Variants in TUBGCP5 observed in about 807,000 individuals in gnomAD.
TUBGCP5 encodes tubulin gamma complex component 5.
TUBGCP5 carries 98 observed loss-of-function variants against 134.7 expected under a neutral mutation model. That is an observed-to-expected ratio of 0.73 (90% CI 0.62 to 0.86). TUBGCP5 has a LOEUF of 0.86. Among genes scored for constraint, TUBGCP5 ranks in the 40% least tolerant of loss-of-function variants. The pLI, the probability that TUBGCP5 is intolerant of heterozygous loss-of-function variation, is 0.00. For missense variants in TUBGCP5, 1,150 were observed against 1,244.8 expected, an observed-to-expected ratio of 0.92 and a Z score of 1.15; for synonymous variants, 456 against 431.4, an observed-to-expected ratio of 1.06 and a Z score of -0.71.
chr15:23,005,878 C>T (rs964072947), intron 18 of TUBGCP5, 174 bp downstream of exon 18: 4 of 720,562 alleles, frequency 5.6e-6, no homozygotes, highest in Non-Finnish European at 8.8e-6. Flanking sequence ...GTCCATAAAA[C>T]TACTGCTAGA....
Position 23,005,364 on chromosome 15 carries a change from G to A in TUBGCP5, c.2712+68C>T, listed in dbSNP as rs144658971. 135 of 1,522,406 alleles carry A rather than the reference G, an allele frequency of 8.9e-5. 1 individual carries two copies. The highest frequency in any genetic ancestry group is 1.2e-4 in the Non-Finnish European group (131 of 1,120,206). 94.3% of individuals were successfully genotyped at this position (1,522,406 alleles called of 1,614,324 possible). On this transcript the variant is annotated intron_variant, in intron 19 of 22. Coordinates refer to ENST00000615383, the MANE Select transcript of TUBGCP5 (RefSeq NM_052903.6). ...TATTTTTTACTTATAAACATAGTAT[G>A]AGTAATTCTCTACGAACAACTGTAT...
Position 23,006,270 on chromosome 15 carries a change from T to C in TUBGCP5, c.2410A>G (p.Lys804Glu). The change falls in exon 17 of 23, where the codon AAG (lysine) becomes GAG (glutamate). Residue 804 changes from lysine (K) to glutamate (E), a missense_variant and splice_region_variant. By Grantham distance (56) the Lys-to-Glu change is moderately conservative. Around this residue, in one of 2 missense-constraint regions of TUBGCP5, gnomAD observed 697 missense variants for 850.1 expected, o/e 0.82. Transcript: ENST00000615383. ...HILDGLTLSY[K>E]VPWPVDIVIS... ...ATACAAGGAATATCAGCATATACCT[T>C]GTAGCTGAGGGTCAGACCATCTAAG... The C allele has an allele frequency of 1.9e-6, 3 of 1,609,406 alleles. No individual in the cohort carries two copies. The highest frequency in any genetic ancestry group is 2.2e-5 in the East Asian group (1 of 44,854).
chr15:23,003,238 C>T (rs2064494765), intron 20 of TUBGCP5, 85 bp from the exon 21 acceptor site: 5 of 1,357,468 alleles, frequency 3.7e-6, no homozygotes, highest in Non-Finnish European at 5.2e-6. Flanking sequence ...AAATGAATCA[C>T]AGAAAAAGTT....
At chr15:22,987,789 G>A (rs892794177) in intron 23 of TUBGCP5, among the ~76,000 whole-genome samples, 20 of 150,954 alleles carry the variant, frequency 1.3e-4, no homozygotes, top group South Asian at 6.3e-4. Context: ...CCAGCTACTC[G>A]GGAAGCTGAG....
At position 23,008,899 on chromosome 15, in the gene TUBGCP5, G is replaced by A; in HGVS notation, c.2145-18C>T. The stretch of plus-strand genomic sequence containing the variant: ...CTACCAACCTGAATGGAGAGAAAAT[G>A]AGTGACACTAAGATCTCTGGCATTC... On this transcript the variant is annotated intron_variant, in intron 15 of 22. Transcript: ENST00000615383. The A allele has an allele frequency of 1.3e-6, 2 of 1,532,244 alleles. No homozygotes were observed. The highest frequency in any genetic ancestry group is 8.7e-7 in the Non-Finnish European group (1 of 1,147,038). The allele number at this position is 1,532,244 out of a possible 1,614,324, so 94.9% of individuals were successfully genotyped here.
intron 23 of TUBGCP5, among the ~76,000 whole-genome samples, chr15:22,992,618 A>C (rs1302442821): frequency 6.6e-6 from 1 of 152,118 alleles, no homozygotes; most frequent in Non-Finnish European, 1.5e-5. Flanking sequence ...TGGCTCTGGG[A>C]CCAGGGTTTG....
At position 23,023,234 on chromosome 15, in the gene TUBGCP5, G is replaced by T. The variant is rs143435522; in HGVS notation, c.1168+713C>A. ...GTAATCAGTTACTCGGGAGGCTGAG[G>T]CAGGAGGATGGCGTGAACCCGGGAG... On this transcript the variant is annotated intron_variant, in intron 10 of 22. Transcript: ENST00000615383. 11 of 152,222 alleles carry T rather than the reference G, an allele frequency of 7.2e-5. No individual in the cohort carries two copies. The East Asian group carries it at 1.7e-3, about 24-fold the overall frequency. The allele number at this position is 152,222 out of a possible 1,614,324, so 9.4% of individuals were successfully genotyped here. A position where few individuals can be genotyped will look rare whatever the true frequency, so the allele number is the denominator to read the frequency against.
intron 19 of TUBGCP5, 64 bp from the exon 20 acceptor site, chr15:23,004,291 A>T: frequency 1.3e-6 from 2 of 1,572,844 alleles, no homozygotes; most frequent in Non-Finnish European, 1.7e-6. Flanking sequence ...TGCTGCACAC[A>T]AATCTTTTTT....
intron 23 of TUBGCP5, among the ~76,000 whole-genome samples, chr15:22,992,244 G>A (rs1053323645): frequency 3.9e-5 from 6 of 152,108 alleles, no homozygotes; most frequent in South Asian, 2.1e-4. Context: ...TTCATGATGA[G>A]AGGCCCTAGC....
chr15:23,000,248 T>G (rs1399904554), intron 22 of TUBGCP5: 3 of 1,225,412 alleles, frequency 2.4e-6, no homozygotes, highest in Non-Finnish European at 2.0e-6. Flanking sequence ...AAAGACTAGA[T>G]TTTGAAAAGA....
rs73409377 is a variant in TUBGCP5 at position 23,034,171 on chromosome 15, C to A, written c.310-1347G>T. The stretch of plus-strand genomic sequence containing the variant: ...TGACTGAAGGTGAACACCTGCTTTC[C>A]TTTGAAGGCTCTGGAACTTCAGTAA... On this transcript the variant is annotated intron_variant, in intron 3 of 22. Transcript: ENST00000615383. Among the ~76,000 whole-genome samples, 618 of 152,242 alleles carry A rather than the reference C, an allele frequency of 4.1e-3. 6 individuals carry two copies. Among genetic ancestry groups the A allele is most frequent in the African/African-American group, 0.014 (601 of 41,524 alleles).
At chr15:23,010,882 G>C (rs950973658) in intron 14 of TUBGCP5, among the ~76,000 whole-genome samples, 1 of 151,850 alleles carries the variant, frequency 6.6e-6, no homozygotes, top group Non-Finnish European at 1.5e-5. Context: ...GGGAGGCTGA[G>C]GTAGGAAAAT....
chr15:23,038,056 G>C (rs746218165), intron 1 of TUBGCP5, among the ~76,000 whole-genome samples: 1 of 152,110 alleles, frequency 6.6e-6, no homozygotes, highest in Non-Finnish European at 1.5e-5. Flanking sequence ...GAGCCACCGC[G>C]CCCAGTCCAC....
intron 21 of TUBGCP5, 27 bp from the exon 22 acceptor site, chr15:23,000,696 A>G: frequency 6.4e-7 from 1 of 1,563,242 alleles, no homozygotes; most frequent in Non-Finnish European, 8.8e-7. Flanking sequence ...ATTTCAATTA[A>G]GTAAGTGCAT....
intron 23 of TUBGCP5, among the ~76,000 whole-genome samples, chr15:22,993,825 G>A (rs567300132): frequency 5.3e-5 from 8 of 151,866 alleles, no homozygotes; most frequent in African/African-American, 1.4e-4. Context: ...GATTACAGGC[G>A]TGAGCCACCG....
rs775807410 is a variant in TUBGCP5, at chr15:23,013,861, G to C, written c.1757-2530C>G. Among the ~76,000 whole-genome samples, 8 of 152,172 alleles carry C rather than the reference G, an allele frequency of 5.3e-5. No homozygotes were observed. Among genetic ancestry groups the C allele is most frequent in the Non-Finnish European group, 1.0e-4 (7 of 68,020 alleles). On this transcript the variant is annotated intron_variant, in intron 13 of 22. Transcript: ENST00000615383. The surrounding 1 kb of genome is among the most constrained non-coding windows in gnomAD (Gnocchi z 4.5). The stretch of plus-strand genomic sequence containing the variant: ...CTGGAGCACGCCCTCCTCTGGGCCA[G>C]TAGCTGCTGCACCTCTCCTGCACCC...
intron 1 of TUBGCP5, among the ~76,000 whole-genome samples, chr15:23,037,572 T>C (rs1262115394): frequency 1.3e-5 from 2 of 152,118 alleles, no homozygotes; most frequent in East Asian, 1.9e-4. Flanking sequence ...TGAGATACAG[T>C]TGTCAAATAT....
At chr15:23,038,545 G>A (rs1179618919) in intron 1 of TUBGCP5, among the ~76,000 whole-genome samples, 1 of 152,098 alleles carries the variant, frequency 6.6e-6, no homozygotes, top group East Asian at 1.9e-4. Context: ...TGAAAGCCCC[G>A]TATTCCTATT....
chr15:22,989,839 G>A (rs992277009), intron 23 of TUBGCP5, among the ~76,000 whole-genome samples: 6 of 152,170 alleles, frequency 3.9e-5, no homozygotes. Flanking sequence ...AACCTTGGTT[G>A]GGAGCTTAGA....
Sources: gnomAD v4.1 joint callset for allele counts (sites outside exome capture counted in the v4.1 genomes callset) on GRCh38, gnomAD v4.1.1 for gene constraint, gnomAD v4.1.1 regional missense constraint, Gnocchi (gnomAD v3.1) non-coding constraint, MANE v1.5 for transcripts, NCBI Gene and HGNC (gene_info 2026-07-23, HGNC 2026-07-21) for gene names.